CAB39: variants seen among roughly 807,000 people sequenced by gnomAD.
The protein encoded by CAB39 is calcium-binding protein 39.
CAB39 carries 8 observed loss-of-function variants against 40.0 expected under a neutral mutation model. The observed-to-expected ratio is 0.20, with a 90% confidence interval of 0.12 to 0.36. The LOEUF (loss-of-function observed/expected upper bound fraction) is 0.36. Ranked by LOEUF, CAB39 falls within the 10% of genes least tolerant of loss-of-function variation. The pLI is 1.00. For synonymous variants in CAB39, 156 were observed against 141.6 expected, an observed-to-expected ratio of 1.10 and a Z score of -0.72; for missense variants, 270 against 401.1, an observed-to-expected ratio of 0.67 and a Z score of 2.79.
chr2:230,814,601 C>T (rs1696366989), intron 7 of CAB39, among the ~76,000 whole-genome samples: 1 of 152,166 alleles, frequency 6.6e-6, no homozygotes, highest in Non-Finnish European at 1.5e-5. Flanking sequence ...CAAGGGTTGG[C>T]AAACTACAAC....
chr2:230,803,212 G>A (rs975640966), intron 5 of CAB39, among the ~76,000 whole-genome samples: 3 of 152,208 alleles, frequency 2.0e-5, no homozygotes, highest in East Asian at 1.9e-4. Context: ...ACAGCCTTTC[G>A]TGCTAAAAAC....
At chr2:230,812,967 G>A (rs1474763164) in intron 6 of CAB39, among the ~76,000 whole-genome samples, 3 of 152,148 alleles carry the variant, frequency 2.0e-5, no homozygotes, top group Non-Finnish European at 4.4e-5. Context: ...CCTTGCTCTA[G>A]ACCACAGATG....
intron 5 of CAB39, among the ~76,000 whole-genome samples, chr2:230,799,987 AT>A (rs543629301): frequency 1.4e-3 from 206 of 150,866 alleles, no homozygotes; most frequent in African/African-American, 4.8e-3. Flanking sequence ...GCGAAACTCC[AT>A]CTCAAAAAAA....
intron 1 of CAB39, among the ~76,000 whole-genome samples, chr2:230,740,604 A>G (rs1327878132): frequency 1.3e-5 from 2 of 152,094 alleles, no homozygotes; most frequent in Non-Finnish European, 2.9e-5. Flanking sequence ...AAACTGTGCC[A>G]CCTCAGACCA....
At chr2:230,741,990 G>A (rs1333626995) in intron 1 of CAB39, among the ~76,000 whole-genome samples, 2 of 152,102 alleles carry the variant, frequency 1.3e-5, no homozygotes, top group African/African-American at 4.8e-5. Context: ...TAAATGAGAT[G>A]CTACTAGAAT....
At chr2:230,754,668 A>G (rs1437881178) in intron 1 of CAB39, among the ~76,000 whole-genome samples, 1 of 152,078 alleles carries the variant, frequency 6.6e-6, no homozygotes, top group East Asian at 1.9e-4. Context: ...ACAGGCACGA[A>G]CCACCATGCA....
intron 1 of CAB39, among the ~76,000 whole-genome samples, chr2:230,748,823 AAAAAAAAAATATAT>A (rs1231541278): frequency 1.2e-4 from 7 of 59,216 alleles, no homozygotes; most frequent in African/African-American, 4.6e-4. Flanking sequence ...GAAAAAAAAA[AAAAAAAAAATATAT>A]ATATATATAT....
chr2:230,745,278 A>G (rs1361331706), intron 1 of CAB39, among the ~76,000 whole-genome samples: 1 of 152,234 alleles, frequency 6.6e-6, no homozygotes, highest in Non-Finnish European at 1.5e-5. Context: ...ACAATGGTCT[A>G]CCTTTACCCT....
chr2:230,760,868 C>T (rs1378715860), intron 2 of CAB39, among the ~76,000 whole-genome samples: 1 of 152,170 alleles, frequency 6.6e-6, no homozygotes, highest in African/African-American at 2.4e-5. Flanking sequence ...AGAAGTTGTT[C>T]ATACTCTTTG....
At chr2:230,811,382 A>G (rs1412791062) in intron 6 of CAB39, among the ~76,000 whole-genome samples, 1 of 152,158 alleles carries the variant, frequency 6.6e-6, no homozygotes, top group Non-Finnish European at 1.5e-5. Flanking sequence ...CAAGTCCTTC[A>G]TAAGTAGCCT....
intron 1 of CAB39, among the ~76,000 whole-genome samples, chr2:230,718,586 G>T (rs1297689848): frequency 1.3e-5 from 2 of 152,198 alleles, no homozygotes; most frequent in African/African-American, 4.8e-5. Context: ...GAATTCCTTG[G>T]ATGGTAATAG....
chr2:230,801,741 C>T (rs950950624), intron 5 of CAB39, among the ~76,000 whole-genome samples: 2 of 151,908 alleles, frequency 1.3e-5, no homozygotes, highest in African/African-American at 4.8e-5. Context: ...TGGTGACATG[C>T]GCCTATAGTC....
At chr2:230,743,337 G>A (rs6718358) in intron 1 of CAB39, among the ~76,000 whole-genome samples, 22,239 of 152,024 alleles carry the variant, frequency 0.15, 2,407 homozygotes, top group African/African-American at 0.31. Context: ...GACCCCCAAA[G>A]ACGAGTCTTT....
intron 1 of CAB39, among the ~76,000 whole-genome samples, chr2:230,720,325 G>A (rs116234641): frequency 1.3e-5 from 2 of 152,132 alleles, no homozygotes; most frequent in Non-Finnish European, 2.9e-5. Flanking sequence ...TAGATCACAG[G>A]GTTCTTTGCA....
intron 1 of CAB39, chr2:230,752,042 C>T (rs868327277): frequency 9.9e-6 from 1 of 101,196 alleles, no homozygotes; most frequent in African/African-American, 3.6e-5. Flanking sequence ...CCCCCCCCCC[C>T]CACATACACA....
At chr2:230,734,507 G>A (rs369115905) in intron 1 of CAB39, among the ~76,000 whole-genome samples, 1 of 152,118 alleles carries the variant, frequency 6.6e-6, no homozygotes, top group African/African-American at 2.4e-5. Flanking sequence ...ATGTGTGAGT[G>A]GGGGAGTTGC....
intron 1 of CAB39, among the ~76,000 whole-genome samples, chr2:230,721,464 G>A (rs966044069): frequency 6.6e-6 from 1 of 152,184 alleles, no homozygotes. Context: ...TTGCTTAACA[G>A]AGATGAAATA....
intron 5 of CAB39, among the ~76,000 whole-genome samples, chr2:230,805,615 C>T (rs1208640698): frequency 1.3e-5 from 2 of 151,850 alleles, no homozygotes; most frequent in African/African-American, 4.9e-5. Context: ...AATAACATGA[C>T]CATATCAGTT....
chr2:230,771,378 A>G (rs1695480695), intron 2 of CAB39, among the ~76,000 whole-genome samples: 1 of 152,198 alleles, frequency 6.6e-6, no homozygotes, highest in African/African-American at 2.4e-5. Context: ...AAATGCTAAA[A>G]ATACCATTTA....
Sources: gnomAD v4.1 joint callset for allele counts (sites outside exome capture counted in the v4.1 genomes callset) on GRCh38, gnomAD v4.1.1 for gene constraint, MANE v1.5 for transcripts, NCBI Gene and HGNC (gene_info 2026-07-23, HGNC 2026-07-21) for gene names.